NAV2: variants seen among roughly 807,000 people sequenced by gnomAD.
The protein encoded by NAV2 is helicase, APC down-regulated 1.
Under a neutral mutation model 223.2 loss-of-function variants are expected in NAV2, and 54 were observed. That is an observed-to-expected ratio of 0.24 (90% CI 0.19 to 0.30). The LOEUF (loss-of-function observed/expected upper bound fraction) is 0.30. Among genes scored for constraint, NAV2 ranks in the 10% least tolerant of loss-of-function variants. The pLI is 1.00. For synonymous variants in NAV2, 1,279 were observed against 1,239.3 expected, an observed-to-expected ratio of 1.03 and a Z score of -0.67; for missense variants, 2,806 against 3,147.5, an observed-to-expected ratio of 0.89 and a Z score of 2.60.
chr11:19,535,611 T>A (rs1848477760), intron 1 of NAV2, among the ~76,000 whole-genome samples: 1 of 152,216 alleles, frequency 6.6e-6, no homozygotes, highest in African/African-American at 2.4e-5. Context: ...TTAATTAGTA[T>A]TCTATTTATC....
At chr11:19,476,573 T>C (rs2042122242) in intron 1 of NAV2, among the ~76,000 whole-genome samples, 1 of 152,086 alleles carries the variant, frequency 6.6e-6, no homozygotes, top group Non-Finnish European at 1.5e-5. Context: ...GGGCAGTTTT[T>C]CCCCCTGAAC....
intron 1 of NAV2, among the ~76,000 whole-genome samples, chr11:19,484,154 A>ACACACACC (rs1267708768): frequency 6.6e-6 from 1 of 151,658 alleles, no homozygotes; most frequent in Non-Finnish European, 1.5e-5. Flanking sequence ...ACACACACAC[A>ACACACACC]CACACCCCAA....
At position 20,072,497 on chromosome 11, in the gene NAV2, T is replaced by C. The variant is rs537973716; in HGVS notation, c.4983+4099T>C. ...AAAGTCATTGGTAGCTTGATGGGGA[T>C]AGCATTGAATCTATAAATTACTTTG... On this transcript the variant is annotated intron_variant, in intron 22 of 37. Coordinates refer to ENST00000349880, the MANE Select transcript of NAV2 (RefSeq NM_145117.5). Among the ~76,000 whole-genome samples, 336 of 152,358 alleles carry C rather than the reference T, an allele frequency of 2.2e-3. 1 individual carries two copies. Among genetic ancestry groups the C allele is most frequent in the African/African-American group, 7.7e-3 (320 of 41,580 alleles).
At chr11:19,577,056 A>G (rs956390494) in intron 1 of NAV2, among the ~76,000 whole-genome samples, 1 of 152,240 alleles carries the variant, frequency 6.6e-6, no homozygotes, top group African/African-American at 2.4e-5. Flanking sequence ...GCCTTGCACA[A>G]TGAAAGCCCT....
rs373902782 is a variant in NAV2 at position 19,544,764 on chromosome 11, T to C, written c.75+193737T>C. ...GGACATAAAAGAACGAGCCCCAGCT[T>C]TGGAGCCAGCTAGGGCTGGAGGTGA... On this transcript the variant is annotated intron_variant, in intron 1 of 37. Coordinates refer to the NAV2 transcript ENST00000360655. 2.4e-4 allele frequency among the ~76,000 whole-genome samples: 37 copies of C among 152,322 alleles called. 1 individual carries two copies. In the East Asian group the frequency reaches 7.1e-3, roughly 29 times the overall value.
intron 4 of NAV2, among the ~76,000 whole-genome samples, chr11:19,870,316 C>G (rs1838053): frequency 0.71 from 107,603 of 152,066 alleles, 38,505 homozygotes; most frequent in East Asian, 0.86. Context: ...ACATGATTTC[C>G]TCCTGGTAGA....
chr11:19,938,581 C>A (rs1211185570), intron 7 of NAV2, among the ~76,000 whole-genome samples: 2 of 152,204 alleles, frequency 1.3e-5, no homozygotes, highest in Admixed American at 6.5e-5. Flanking sequence ...AAATATTATG[C>A]AGACCAGTAG....
intron 1 of NAV2, among the ~76,000 whole-genome samples, chr11:19,688,078 G>A (rs2049073030): frequency 6.6e-6 from 1 of 152,114 alleles, no homozygotes; most frequent in South Asian, 2.1e-4. Context: ...TGAAAGAGGG[G>A]AGGCAACCCA....
chr11:19,984,113 C>T lies in NAV2; in HGVS notation c.2646-12C>T. 1 of 1,614,108 alleles carries T rather than the reference C, an allele frequency of 6.2e-7. No individual in the cohort carries two copies. Among genetic ancestry groups the T allele is most frequent in the African/African-American group, 1.3e-5 (1 of 75,038 alleles). On this transcript the variant is annotated splice_polypyrimidine_tract_variant and intron_variant, in intron 10 of 37. Coordinates refer to ENST00000349880, the MANE Select transcript of NAV2 (RefSeq NM_145117.5). ...GGACATTCATGTGCATCATCTTCTTCTCCTTTTAAAGATACATGACTGATG... is the reference window on the plus strand; with the variant it reads ...GGACATTCATGTGCATCATCTTCTTTTCCTTTTAAAGATACATGACTGATG...
intron 36 of NAV2, among the ~76,000 whole-genome samples, chr11:20,108,197 G>T (rs1350411254): frequency 6.6e-6 from 1 of 152,124 alleles, no homozygotes; most frequent in Non-Finnish European, 1.5e-5. Context: ...ACAGAAATTT[G>T]GTTTTTTACT....
intron 1 of NAV2, among the ~76,000 whole-genome samples, chr11:19,707,740 CTGT>C (rs1388218529): frequency 2.0e-5 from 3 of 152,210 alleles, no homozygotes; most frequent in East Asian, 3.8e-4. Context: ...GTATTAGGCA[CTGT>C]ACATGGTTGT....
In NAV2 at chr11:19,917,587, C is replaced by T. The variant is rs111447001; in HGVS notation, c.932-15589C>T. On this transcript the variant is annotated intron_variant, in intron 6 of 37. Transcript: ENST00000349880. Reference sequence around the variant, plus strand: ...TATCCCCCTCTCATCTCACATCTACCTCATTTCATAGCTTTGTTCTCACAG... The same window carrying T: ...TATCCCCCTCTCATCTCACATCTACTTCATTTCATAGCTTTGTTCTCACAG... Among the ~76,000 whole-genome samples, 1,200 of 152,210 alleles carry T rather than the reference C, an allele frequency of 7.9e-3. 20 individuals carry two copies. Among genetic ancestry groups the T allele is most frequent in the African/African-American group, 0.028 (1,152 of 41,524 alleles).
At chr11:19,771,266 C>T (rs1346835789) in intron 1 of NAV2, among the ~76,000 whole-genome samples, 1 of 152,170 alleles carries the variant, frequency 6.6e-6, no homozygotes, top group South Asian at 2.1e-4. Flanking sequence ...GCACCTCTCT[C>T]CTACTATAAG....
chr11:20,097,656 T>G lies in NAV2; in HGVS notation c.6092T>G (p.Ile2031Ser). The G allele has an allele frequency of 1.2e-6, 2 of 1,613,794 alleles. No individual in the cohort carries two copies. Among genetic ancestry groups the G allele is most frequent in the African/African-American group, 2.7e-5 (2 of 75,050 alleles). The change falls in exon 31 of 38, where the codon ATC (isoleucine) becomes AGC (serine). Residue 2031 changes from isoleucine to serine, a missense_variant. Ile to Ser is a moderately radical substitution (Grantham distance 142). Around this residue, in one of 4 missense-constraint regions of NAV2, gnomAD observed 824 missense variants for 1,069.4 expected, o/e 0.77. Transcript: ENST00000349880. ...DSVLGYSIGE[I>S]KRSNTSETPE... is the part of the protein sequence containing the mutation. ...GTTCTTGGCTACAGCATTGGAGAAA[T>G]CAAGCGCAGCAACACTTCCGAAACA... is the stretch of plus-strand genomic sequence containing the variant.
At chr11:19,575,087 C>T (rs2045535439) in intron 1 of NAV2, among the ~76,000 whole-genome samples, 1 of 152,338 alleles carries the variant, frequency 6.6e-6, no homozygotes, top group East Asian at 1.9e-4. Context: ...CAAGGGTTGG[C>T]TGCACTTAAG....
At chr11:19,769,071 C>T (rs1333898145) in intron 1 of NAV2, among the ~76,000 whole-genome samples, 1 of 152,202 alleles carries the variant, frequency 6.6e-6, no homozygotes, top group Non-Finnish European at 1.5e-5. Flanking sequence ...TGGGACCATG[C>T]CAGCCATTCA....
At position 19,622,754 on chromosome 11, in the gene NAV2, G is replaced by C. The variant is rs180947151; in HGVS notation, c.76-209730G>C. ...CTGTGTCTTTTAATTGGAGCATTTA[G>C]CCCATTTACATTTAAGGTTAATATT... On this transcript the variant is annotated intron_variant, in intron 1 of 37. Coordinates refer to the NAV2 transcript ENST00000360655. Among the ~76,000 whole-genome samples the C allele has an allele frequency of 4.2e-3, 642 of 152,230 alleles. 2 individuals are homozygous for C. The highest frequency in any genetic ancestry group is 0.015 in the African/African-American group (612 of 41,542).
At chr11:19,723,425 C>A (rs1054126327) in intron 1 of NAV2, among the ~76,000 whole-genome samples, 1 of 152,126 alleles carries the variant, frequency 6.6e-6, no homozygotes, top group East Asian at 1.9e-4. Context: ...CTTTCTGATT[C>A]CCAAACCTGT....
intron 3 of NAV2, among the ~76,000 whole-genome samples, chr11:19,849,968 C>T (rs16937206): frequency 0.071 from 10,847 of 152,146 alleles, 668 homozygotes; most frequent in African/African-American, 0.17. Context: ...CCTCTCCATA[C>T]TCTTTAGCAC....
Sources: allele counts gnomAD v4.1 joint callset (sites outside exome capture counted in the v4.1 genomes callset), GRCh38; gene constraint gnomAD v4.1.1; regional missense constraint gnomAD v4.1.1; transcripts MANE v1.5; gene names NCBI Gene and HGNC (gene_info 2026-07-23, HGNC 2026-07-21).